Variants in PTPRD observed in about 807,000 individuals in gnomAD.
The protein encoded by PTPRD is protein tyrosine phosphatase receptor type D.
A neutral mutation model predicts 214.5 loss-of-function variants in PTPRD; 34 were observed. That is an observed-to-expected ratio of 0.16 (90% CI 0.12 to 0.21). PTPRD has a LOEUF of 0.21. PTPRD is among the 10% of genes least tolerant of loss of function. PTPRD has a pLI of 1.00. For missense variants in PTPRD, 2,545 were observed against 2,398.7 expected, an observed-to-expected ratio of 1.06 and a Z score of -1.27; for synonymous variants, 1,128 against 845.7, an observed-to-expected ratio of 1.33 and a Z score of -5.79.
Position 8,763,472 on chromosome 9 carries a change from C to G in PTPRD, c.-103-29526G>C, listed in dbSNP as rs530208625. On this transcript the variant is annotated intron_variant, in intron 11 of 45. Coordinates refer to ENST00000381196, the MANE Select transcript of PTPRD (RefSeq NM_002839.4). ...GAGGTTGCAGTAGCCAAGATCACGC[C>G]ACTGCACTCCAGCCTGGGTGACAGA... is the stretch of plus-strand genomic sequence containing the variant. Among the ~76,000 whole-genome samples, 9 of 152,080 alleles carry G rather than the reference C, an allele frequency of 5.9e-5. No homozygotes were observed. The South Asian group carries it at 1.9e-3, about 32-fold the overall frequency.
At chr9:9,617,408 G>A (rs1483569408) in intron 7 of PTPRD, among the ~76,000 whole-genome samples, 1 of 152,164 alleles carries the variant, frequency 6.6e-6, no homozygotes, top group Non-Finnish European at 1.5e-5. Flanking sequence ...GACAATTAGA[G>A]TAAAGTATAT....
chr9:8,909,820 T>G (rs563408045), intron 11 of PTPRD, among the ~76,000 whole-genome samples: 220 of 122,028 alleles, frequency 1.8e-3, no homozygotes, highest in African/African-American at 6.7e-3. Flanking sequence ...GAGATAGAGA[T>G]AGGGATGGGA....
intron 2 of PTPRD, among the ~76,000 whole-genome samples, chr9:10,434,900 T>C (rs1458049576): frequency 3.3e-5 from 5 of 151,908 alleles, no homozygotes; most frequent in African/African-American, 1.2e-4. Context: ...TGCACTTCTT[T>C]AGTGCATCTT....
chr9:10,579,601 G>C (rs944473823), intron 2 of PTPRD, among the ~76,000 whole-genome samples: 4 of 152,140 alleles, frequency 2.6e-5, no homozygotes, highest in East Asian at 3.9e-4. Flanking sequence ...GTTTTTGGTA[G>C]AACGTTTTAT....
chr9:8,810,331 G>A (rs2096776101), intron 11 of PTPRD, among the ~76,000 whole-genome samples: 1 of 152,156 alleles, frequency 6.6e-6, no homozygotes, highest in Admixed American at 6.5e-5. Flanking sequence ...GCCATGTAGG[G>A]CCTTCTCCCT....
chr9:9,289,759 G>A (rs1950562001), intron 9 of PTPRD, among the ~76,000 whole-genome samples: 1 of 151,666 alleles, frequency 6.6e-6, no homozygotes, highest in African/African-American at 2.4e-5. Flanking sequence ...ACGTCTCACA[G>A]GTTCAACCAT....
chr9:8,507,200 C>T (rs1334865270), intron 22 of PTPRD, 101 bp downstream of exon 22: 4 of 1,344,698 alleles, frequency 3.0e-6, no homozygotes, highest in Non-Finnish European at 3.0e-6. Flanking sequence ...CATCAAGGTC[C>T]TCAATAGCTC....
At chr9:9,823,543 C>T (rs934361213) in intron 5 of PTPRD, among the ~76,000 whole-genome samples, 2 of 151,906 alleles carry the variant, frequency 1.3e-5, no homozygotes, top group African/African-American at 4.8e-5. Flanking sequence ...TGATATTATT[C>T]AGCCATAAAA....
chr9:8,893,144 A>AGTTTT (rs2098556346), intron 11 of PTPRD, among the ~76,000 whole-genome samples: 1 of 152,086 alleles, frequency 6.6e-6, no homozygotes, highest in Admixed American at 6.6e-5. Context: ...ACATTTGAAG[A>AGTTTT]GTTTTGTTTT....
At chr9:8,669,414 A>T (rs933932625) in intron 12 of PTPRD, among the ~76,000 whole-genome samples, 1 of 152,190 alleles carries the variant, frequency 6.6e-6, no homozygotes, top group Non-Finnish European at 1.5e-5. Flanking sequence ...TATGCAGTCC[A>T]TACCAGAAAG....
intron 9 of PTPRD, among the ~76,000 whole-genome samples, chr9:9,248,831 A>G (rs2099974158): frequency 6.6e-6 from 1 of 152,046 alleles, no homozygotes. Flanking sequence ...ATGGAGACAA[A>G]CATAAGCAAG....
rs2083346618 is a variant in PTPRD, at chr9:8,376,666, T to C, written c.4447A>G (p.Thr1483Ala). ...GTETHGLVQVTLLDTVELATY... is the reference protein window; with the variant it reads ...GTETHGLVQVALLDTVELATY... ...GCCAGCTCCACAGTATCAAGCAGCG[T>C]TACTTGAACGAGTCCGTGGGTTTCT... The change falls in exon 38 of 46, where the codon ACG (threonine) becomes GCG (alanine). Residue 1483 changes from threonine to alanine, a missense_variant. Physicochemically the swap from Thr to Ala is moderately conservative, Grantham distance 58. Transcript: ENST00000381196. 2 of 1,613,136 alleles carry C rather than the reference T, an allele frequency of 1.2e-6. No homozygotes were observed. The highest frequency in any genetic ancestry group is 1.7e-6 in the Non-Finnish European group (2 of 1,179,382).
At chr9:9,916,643 A>G (rs1161597751) in intron 5 of PTPRD, among the ~76,000 whole-genome samples, 4 of 152,060 alleles carry the variant, frequency 2.6e-5, no homozygotes, top group Non-Finnish European at 4.4e-5. Context: ...CTGTGCAAAC[A>G]GAAACCAAAA....
chr9:8,790,447 T>G (rs906348388), intron 11 of PTPRD, among the ~76,000 whole-genome samples: 1 of 152,112 alleles, frequency 6.6e-6, no homozygotes, highest in Non-Finnish European at 1.5e-5. Context: ...AGATGGAGTC[T>G]CACTCTGTTG....
intron 10 of PTPRD, among the ~76,000 whole-genome samples, chr9:9,090,583 T>C (rs1029294077): frequency 3.3e-5 from 5 of 152,198 alleles, no homozygotes; most frequent in South Asian, 2.1e-4. Context: ...GTGGCCATTA[T>C]TGCAATTTTT....
At chr9:10,035,470 C>A (rs918857507) in intron 3 of PTPRD, among the ~76,000 whole-genome samples, 1 of 152,124 alleles carries the variant, frequency 6.6e-6, no homozygotes, top group African/African-American at 2.4e-5. Flanking sequence ...ACTTCTGTTG[C>A]AATTGCTTTT....
chr9:10,317,138 A>G (rs1222286528), intron 3 of PTPRD, among the ~76,000 whole-genome samples: 1 of 151,958 alleles, frequency 6.6e-6, no homozygotes, highest in Non-Finnish European at 1.5e-5. Context: ...TGAGCAATAT[A>G]GAAACACTAA....
At chr9:8,597,301 T>C (rs925936167) in intron 14 of PTPRD, among the ~76,000 whole-genome samples, 6 of 152,110 alleles carry the variant, frequency 3.9e-5, no homozygotes, top group African/African-American at 1.2e-4. Context: ...AAGAATAAGA[T>C]TGAAATATAT....
chr9:9,627,917 G>C (rs1170635657), intron 7 of PTPRD, among the ~76,000 whole-genome samples: 2 of 151,932 alleles, frequency 1.3e-5, no homozygotes, highest in East Asian at 3.9e-4. Context: ...TAGAGAGAGG[G>C]GAGTAACCAA....
Sources: gnomAD v4.1 joint callset for allele counts (sites outside exome capture counted in the v4.1 genomes callset) on GRCh38, gnomAD v4.1.1 for gene constraint, MANE v1.5 for transcripts, NCBI Gene and HGNC (gene_info 2026-07-23, HGNC 2026-07-21) for gene names.